The following SHISA6 variants were observed in gnomAD, a reference collection of about 807,000 sequenced individuals.
The protein encoded by SHISA6 is shisa family member 6.
SHISA6 carries 22 observed loss-of-function variants against 47.9 expected under a neutral mutation model. That is an observed-to-expected ratio of 0.46 (90% CI 0.33 to 0.66). The LOEUF (loss-of-function observed/expected upper bound fraction) is 0.66. Ranked by LOEUF, SHISA6 falls within the 30% of genes least tolerant of loss-of-function variation. The pLI, the probability that SHISA6 is intolerant of heterozygous loss-of-function variation, is 0.02. For missense variants in SHISA6, 680 were observed against 764.6 expected (o/e 0.89, Z 1.30); for synonymous variants, 388 against 337.8 (o/e 1.15, Z -1.63).
intron 3 of SHISA6, among the ~76,000 whole-genome samples, chr17:11,535,616 C>T (rs1236850317): frequency 6.6e-6 from 1 of 152,232 alleles, no homozygotes; most frequent in Admixed American, 6.5e-5. Context: ...ACTAGAAACC[C>T]TGTCCAGCTC....
chr17:11,274,100 T>A (rs1908786090), intron 2 of SHISA6, among the ~76,000 whole-genome samples: 1 of 152,130 alleles, frequency 6.6e-6, no homozygotes, highest in South Asian at 2.1e-4. Context: ...GTCCCACCCT[T>A]AGGGCTTCGT....
At chr17:11,443,306 A>G (rs1268155386) in intron 3 of SHISA6, among the ~76,000 whole-genome samples, 1 of 152,250 alleles carries the variant, frequency 6.6e-6, no homozygotes. Context: ...CCCATGGAAC[A>G]TGAAGATAAC....
chr17:11,492,515 A>G (rs914721484), intron 3 of SHISA6, among the ~76,000 whole-genome samples: 6 of 152,138 alleles, frequency 3.9e-5, no homozygotes, highest in African/African-American at 1.2e-4. Context: ...AATTTTATGA[A>G]TGTTGTCAAT....
intron 3 of SHISA6, among the ~76,000 whole-genome samples, chr17:11,406,552 T>A (rs192346024): frequency 8.1e-4 from 124 of 152,340 alleles, no homozygotes; most frequent in African/African-American, 2.9e-3. Flanking sequence ...ACTATAATCC[T>A]TAGCACGTTG....
intron 3 of SHISA6, among the ~76,000 whole-genome samples, chr17:11,544,341 T>G (rs4569326): frequency 0.25 from 38,208 of 152,032 alleles, 5,088 homozygotes; most frequent in South Asian, 0.31. Flanking sequence ...ATCTAGGATA[T>G]AAAAATAATT....
intron 3 of SHISA6, among the ~76,000 whole-genome samples, chr17:11,413,718 C>A (rs1433136023): frequency 6.6e-6 from 1 of 152,162 alleles, no homozygotes; most frequent in Non-Finnish European, 1.5e-5. Context: ...AGTGTTCCAG[C>A]CGTGTTTCCA....
At chr17:11,549,786 G>A (rs1236711520) in intron 3 of SHISA6, among the ~76,000 whole-genome samples, 3 of 152,102 alleles carry the variant, frequency 2.0e-5, no homozygotes, top group African/African-American at 7.2e-5. Flanking sequence ...GTTTAAAAAC[G>A]AACAAATAAA....
At chr17:11,483,965 A>G (rs1379458487) in intron 3 of SHISA6, among the ~76,000 whole-genome samples, 9 of 152,220 alleles carry the variant, frequency 5.9e-5, no homozygotes, top group Non-Finnish European at 1.2e-4. Context: ...TATTTCTTGA[A>G]CAATTCAGAA....
intron 3 of SHISA6, among the ~76,000 whole-genome samples, chr17:11,545,642 A>C (rs74484867): frequency 6.6e-6 from 1 of 152,226 alleles, no homozygotes; most frequent in Non-Finnish European, 1.5e-5. Context: ...TAGCTTGCTT[A>C]TATGTCTGTG....
intron 1 of SHISA6, among the ~76,000 whole-genome samples, chr17:11,260,153 GT>G (rs140565807): frequency 1.6e-4 from 24 of 152,202 alleles, no homozygotes; most frequent in African/African-American, 5.5e-4. Flanking sequence ...CACAATGACT[GT>G]TTTCCCTGAT....
At chr17:11,253,090 C>T (rs769015984) in intron 1 of SHISA6, among the ~76,000 whole-genome samples, 1 of 152,206 alleles carries the variant, frequency 6.6e-6, no homozygotes. Context: ...TTTTAAGTCA[C>T]ATCATTAAAA....
At chr17:11,272,519 T>C (rs1019041381) in intron 2 of SHISA6, among the ~76,000 whole-genome samples, 7 of 152,152 alleles carry the variant, frequency 4.6e-5, no homozygotes, top group African/African-American at 1.7e-4. Context: ...GCTTGATCAC[T>C]TTACTTAACC....
chr17:11,481,685 G>T (rs1916228051), intron 3 of SHISA6, among the ~76,000 whole-genome samples: 1 of 151,806 alleles, frequency 6.6e-6, no homozygotes, highest in South Asian at 2.1e-4. Context: ...TAGACACAGG[G>T]TTTCACCATG....
intron 1 of SHISA6, among the ~76,000 whole-genome samples, chr17:11,255,844 G>A (rs1428035917): frequency 6.6e-6 from 1 of 152,208 alleles, no homozygotes; most frequent in Admixed American, 6.5e-5. Context: ...CTGAGCCGAT[G>A]TAGATATTAG....
At chr17:11,338,576 A>T (rs1183648983) in intron 2 of SHISA6, among the ~76,000 whole-genome samples, 8 of 138,450 alleles carry the variant, frequency 5.8e-5, no homozygotes, top group African/African-American at 1.9e-4. Flanking sequence ...TAATTTTTGT[A>T]TTTTTTTTTT....
At chr17:11,421,885 C>G (rs138904865) in intron 3 of SHISA6, among the ~76,000 whole-genome samples, 1 of 152,194 alleles carries the variant, frequency 6.6e-6, no homozygotes, top group Non-Finnish European at 1.5e-5. Context: ...AAAGGGTTAT[C>G]TCACAGCTTT....
At chr17:11,429,185 T>G (rs1914684245) in intron 3 of SHISA6, among the ~76,000 whole-genome samples, 1 of 152,154 alleles carries the variant, frequency 6.6e-6, no homozygotes, top group African/African-American at 2.4e-5. Flanking sequence ...CCAGTTGTTA[T>G]CTGGACACTG....
At chr17:11,400,995 G>C (rs1038858882) in intron 3 of SHISA6, among the ~76,000 whole-genome samples, 1 of 152,106 alleles carries the variant, frequency 6.6e-6, no homozygotes, top group African/African-American at 2.4e-5. Flanking sequence ...TAAACTGTTT[G>C]TTGCTTTATA....
At chr17:11,264,963 C>T (rs138052723) in intron 2 of SHISA6, among the ~76,000 whole-genome samples, 74 of 152,172 alleles carry the variant, frequency 4.9e-4, no homozygotes, top group African/African-American at 1.6e-3. Context: ...AGTTAAAAAC[C>T]TCTGCTGTAA....
Sources: allele counts gnomAD v4.1 joint callset (sites outside exome capture counted in the v4.1 genomes callset), GRCh38; gene constraint gnomAD v4.1.1; transcripts MANE v1.5; gene names NCBI Gene and HGNC (gene_info 2026-07-23, HGNC 2026-07-21).